The following INPP5J variants were observed in gnomAD, a reference collection of about 807,000 sequenced individuals.
The protein encoded by INPP5J is phosphatidylinositol 4,5-bisphosphate 5-phosphatase A.
Under a neutral mutation model 86.6 loss-of-function variants are expected in INPP5J, and 75 were observed. That is an observed-to-expected ratio of 0.87 (90% CI 0.72 to 1.05). INPP5J has a LOEUF of 1.05. INPP5J is among the 50% of genes least tolerant of loss of function. The pLI is 0.00. For missense variants in INPP5J, 1,229 were observed against 1,341.2 expected (o/e 0.92, Z 1.31); for synonymous variants, 540 against 550.0 (o/e 0.98, Z 0.25).
intron 9 of INPP5J, among the ~76,000 whole-genome samples, chr22:31,132,294 A>G (rs1922125058): frequency 6.6e-6 from 1 of 152,116 alleles, no homozygotes. Context: ...TACCCCAAAT[A>G]CCCAGTGCAT....
At chr22:31,130,675 T>G (rs1921986844) in intron 9 of INPP5J, among the ~76,000 whole-genome samples, 1 of 152,204 alleles carries the variant, frequency 6.6e-6, no homozygotes, top group East Asian at 1.9e-4. Context: ...ACTGAGTACT[T>G]AACTGTCTTA....
intron 9 of INPP5J, among the ~76,000 whole-genome samples, chr22:31,131,819 G>A (rs1346627874): frequency 2.6e-5 from 4 of 152,184 alleles, no homozygotes; most frequent in Non-Finnish European, 4.4e-5. Context: ...ACCCTTGCCC[G>A]CCCCTGCTGT....
intron 9 of INPP5J, among the ~76,000 whole-genome samples, chr22:31,132,576 C>T (rs1439737977): frequency 6.6e-6 from 1 of 151,938 alleles, no homozygotes; most frequent in Non-Finnish European, 1.5e-5. Context: ...GCTGCCTCTA[C>T]TAAAAATACA....
rs542084151 is a variant in INPP5J, at chr22:31,125,583, C to A, written c.844C>A (p.Arg282=). ...SPDPRLSPSF[R]ARPEALHSSP... is the part of the protein sequence containing the mutation. Reference sequence around the variant, plus strand: ...AGACCCTCGGCTCTCCCCCTCCTTCCGAGCCCGGCCTGAGGCCCTCCACAG... The same window carrying A: ...AGACCCTCGGCTCTCCCCCTCCTTCAGAGCCCGGCCTGAGGCCCTCCACAG... The change falls in exon 2 of 13, where the codon CGA becomes AGA. Residue 282 remains arginine, a synonymous_variant. Coordinates refer to ENST00000331075, the MANE Select transcript of INPP5J (RefSeq NM_001284285.2). 3.2e-6 allele frequency: 5 copies of A among 1,550,444 alleles called. No individual in the cohort carries two copies. In the African/African-American group the frequency reaches 6.8e-5, roughly 21 times the overall value.
Position 31,126,462 on chromosome 22 carries a change from G to T in INPP5J, c.1358G>T (p.Ser453Ile). The T allele has an allele frequency of 6.2e-7, 1 of 1,613,756 alleles. No individual in the cohort carries two copies. The highest frequency in any genetic ancestry group is 8.5e-7 in the Non-Finnish European group (1 of 1,179,826). The change falls in exon 3 of 13, where the codon AGC (serine) becomes ATC (isoleucine). Residue 453 changes from serine to isoleucine, a missense_variant. Ser to Ile is a moderately radical substitution (Grantham distance 142, BLOSUM62 -2). Transcript: ENST00000331075. ...CTCCACCTGGGCGGTGGTGACGACA[G>T]CGACGGCGCAGACATGATCGCCATA... is the stretch of plus-strand genomic sequence containing the variant. ...SLLHLGGGDD[S>I]DGADMIAIGL...
intron 2 of INPP5J, 73 bp downstream of exon 2, chr22:31,126,083 G>T: frequency 2.2e-6 from 3 of 1,336,416 alleles, no homozygotes; most frequent in East Asian, 5.0e-5. Flanking sequence ...AGGGTGGATG[G>T]TGTGCTCTAC....
chr22:31,123,652 C>T (rs1921073407), intron 1 of INPP5J, among the ~76,000 whole-genome samples: 1 of 152,146 alleles, frequency 6.6e-6, no homozygotes. Context: ...GGGACAGAAA[C>T]AGAAGTGCGT....
At position 31,133,156 on chromosome 22, in the gene INPP5J, G is replaced by A. The variant is rs61747459; in HGVS notation, c.2252G>A (p.Arg751Gln). 2.0e-3 allele frequency: 3,171 copies of A among 1,579,206 alleles called. 57 individuals carry two copies. In the African/African-American group the frequency reaches 0.038, roughly 19 times the overall value. ...VRLEVADEWVRPEQAVVRYRM... is the reference protein window; with the variant it reads ...VRLEVADEWVQPEQAVVRYRM... ...CTGGAGGTGGCAGATGAGTGGGTGC[G>A]GCCCGAGCAGGCGGTGGTGAGGTAC... Residue 751 changes from arginine (R) to glutamine (Q), a missense_variant, in exon 10 of 13, where the codon CGG (arginine) becomes CAG (glutamine). Physicochemically the swap from Arg to Gln is conservative, Grantham distance 43 (BLOSUM62 1). Transcript: ENST00000331075.
intron 1 of INPP5J, chr22:31,124,260 A>C: frequency 1.7e-5 from 17 of 986,066 alleles, no homozygotes; most frequent in Non-Finnish European, 2.0e-5. Flanking sequence ...AGCTCTGGGA[A>C]TGGGTAAGAG....
chr22:31,125,612 C>G lies in INPP5J; in HGVS notation c.873C>G (p.Ser291Arg). 1 of 1,550,528 alleles carries G rather than the reference C, an allele frequency of 6.4e-7. No homozygotes were observed. Among genetic ancestry groups the G allele is most frequent in the Non-Finnish European group, 8.7e-7 (1 of 1,146,978 alleles). The change falls in exon 2 of 13, where the codon AGC becomes AGG. Residue 291 changes from serine to arginine, a missense_variant. By Grantham distance (110) the Ser-to-Arg change is moderately radical (BLOSUM62 -1). Transcript: ENST00000331075. ...FRARPEALHS[S>R]PEDPVLPRPP... is the part of the protein sequence containing the mutation. ...CCCGGCCTGAGGCCCTCCACAGCAG[C>G]CCTGAGGATCCTGTTTTGCCACGGC...
Position 31,122,971 on chromosome 22 carries a change from T to TGGAGCC in INPP5J, c.-37_-32dup, listed in dbSNP as rs1338131380. The TGGAGCC allele has an allele frequency of 2.2e-5, 29 of 1,293,872 alleles. No individual in the cohort carries two copies. The highest frequency in any genetic ancestry group is 4.0e-5 in the Admixed American group (1 of 25,274). 80.1% of individuals were successfully genotyped at this position (1,293,872 alleles called of 1,614,324 possible). ...CACTGGTTCCCGGGAGCGGTAGAGC[T>TGGAGCC]GGAGCCGGAGCCAAGGGAGTCCAGG... On this transcript the variant is annotated 5_prime_UTR_variant, in exon 1 of 13. Transcript: ENST00000331075.
At position 31,134,523 on chromosome 22, in the gene INPP5J, C is replaced by A; in HGVS notation, c.*104C>A. 1 of 1,232,086 alleles carries A rather than the reference C, an allele frequency of 8.1e-7. No individual in the cohort carries two copies. The highest frequency in any genetic ancestry group is 1.1e-6 in the Non-Finnish European group (1 of 926,154). 76.3% of individuals were successfully genotyped at this position (1,232,086 alleles called of 1,614,324 possible). A position where few individuals can be genotyped will look rare whatever the true frequency, so the allele number is the denominator to read the frequency against. ...GCTCCTCCAGCTGTATCTGCACCTG[C>A]CTCTCTGTCCTGGCCAGGGGTGGAC... On this transcript the variant is annotated 3_prime_UTR_variant, in exon 13 of 13. Transcript: ENST00000331075.
Position 31,134,512 on chromosome 22 carries a change from A to G in INPP5J, c.*93A>G. 4 of 1,291,556 alleles carry G rather than the reference A, an allele frequency of 3.1e-6. No individual in the cohort carries two copies. Among genetic ancestry groups the G allele is most frequent in the South Asian group, 3.5e-5 (2 of 56,968 alleles). 80.0% of individuals were successfully genotyped at this position (1,291,556 alleles called of 1,614,324 possible). A position where few individuals can be genotyped will look rare whatever the true frequency, so the allele number is the denominator to read the frequency against. On this transcript the variant is annotated 3_prime_UTR_variant, in exon 13 of 13. Transcript: ENST00000331075. ...TCTCTCCTGCTGCTCCTCCAGCTGT[A>G]TCTGCACCTGCCTCTCTGTCCTGGC... is the stretch of plus-strand genomic sequence containing the variant.
rs759666552 is a variant in INPP5J at position 31,128,655 on chromosome 22, G to C, written c.2193+1G>C. Reference sequence around the variant, plus strand: ...TGTGGCTGCCCAGTTCCTCCTGCAGGTGAGTTCTGGCCTCATCCTCCCCGC... The same window carrying C: ...TGTGGCTGCCCAGTTCCTCCTGCAGCTGAGTTCTGGCCTCATCCTCCCCGC... On this transcript the variant is annotated splice_donor_variant, in intron 9 of 12. Transcript: ENST00000331075. LOFTEE classifies it high-confidence loss of function. The C allele has an allele frequency of 5.7e-6, 9 of 1,576,414 alleles. No homozygotes were observed. In the Admixed American group the frequency reaches 1.6e-4, roughly 28 times the overall value.
Position 31,127,946 on chromosome 22 carries a change from A to G in INPP5J, c.1788-5A>G, listed in dbSNP as rs1287642505. 2 of 1,450,600 alleles carry G rather than the reference A, an allele frequency of 1.4e-6. No homozygotes were observed. The allele number at this position is 1,450,600 out of a possible 1,614,324, so 89.9% of individuals were successfully genotyped here. A position where few individuals can be genotyped will look rare whatever the true frequency, so the allele number is the denominator to read the frequency against. ...CACATCTCTCCCATCCCCCACCCCA[A>G]ACAGCCTCGTGTTCTGGTTCGGGGA... On this transcript the variant is annotated splice_polypyrimidine_tract_variant and splice_region_variant and intron_variant, in intron 6 of 12. Transcript: ENST00000331075.
At chr22:31,128,421 A>C in intron 8 of INPP5J, 50 bp from the exon 9 acceptor site, 1 of 1,598,150 alleles carries the variant, frequency 6.3e-7, no homozygotes, top group Non-Finnish European at 8.5e-7. Context: ...GTGGAGGGTT[A>C]CATCTTGATC....
In INPP5J at chr22:31,126,636, T is replaced by C. The variant is rs770140456; in HGVS notation, c.1409T>C (p.Leu470Pro). 4 of 1,613,632 alleles carry C rather than the reference T, an allele frequency of 2.5e-6. No homozygotes were observed. In the Admixed American group the frequency reaches 6.7e-5, roughly 27 times the overall value. ...AIGLQEVNSM[L>P]NKRLKDALFT... The stretch of plus-strand genomic sequence containing the variant: ...AGGTTGCAGGAAGTGAACTCCATGC[T>C]CAACAAGCGACTCAAGGACGCCCTC... The change falls in exon 4 of 13, where the codon CTC becomes CCC. Residue 470 changes from leucine to proline, a missense_variant. By Grantham distance (98) the Leu-to-Pro change is moderately conservative. Coordinates refer to ENST00000331075, the MANE Select transcript of INPP5J (RefSeq NM_001284285.2).
In INPP5J at chr22:31,122,978, G is replaced by C. The variant is rs773268004; in HGVS notation, c.-37G>C. On this transcript the variant is annotated 5_prime_UTR_variant, in exon 1 of 13. Coordinates refer to ENST00000331075, the MANE Select transcript of INPP5J (RefSeq NM_001284285.2). ...TCCCGGGAGCGGTAGAGCTGGAGCCGGAGCCAAGGGAGTCCAGGCTGCCGG... is the reference window on the plus strand; with the variant it reads ...TCCCGGGAGCGGTAGAGCTGGAGCCCGAGCCAAGGGAGTCCAGGCTGCCGG... 3.0e-6 allele frequency: 4 copies of C among 1,334,652 alleles called. No individual in the cohort carries two copies. The highest frequency in any genetic ancestry group is 3.4e-5 in the South Asian group (2 of 59,590). 82.7% of individuals were successfully genotyped at this position (1,334,652 alleles called of 1,614,324 possible). A position where few individuals can be genotyped will look rare whatever the true frequency, so the allele number is the denominator to read the frequency against.
intron 6 of INPP5J, 52 bp from the exon 7 acceptor site, chr22:31,127,899 G>C: frequency 1.9e-6 from 2 of 1,079,954 alleles, no homozygotes; most frequent in Admixed American, 1.8e-5. Flanking sequence ...CCATGGACCT[G>C]TTGACACCCC....
Sources: gnomAD v4.1 joint callset for allele counts (sites outside exome capture counted in the v4.1 genomes callset) on GRCh38, gnomAD v4.1.1 for gene constraint, MANE v1.5 for transcripts, NCBI Gene and HGNC (gene_info 2026-07-23, HGNC 2026-07-21) for gene names.